The following DLC1 variants were observed in gnomAD, a reference collection of about 807,000 sequenced individuals.
DLC1 encodes rho GTPase-activating protein 7.
A neutral mutation model predicts 140.3 loss-of-function variants in DLC1; 54 were observed. The ratio of observed to expected loss-of-function variants is 0.38; its 90% CI spans 0.31 to 0.48. The LOEUF (loss-of-function observed/expected upper bound fraction) is 0.48. Among genes scored for constraint, DLC1 ranks in the 20% least tolerant of loss-of-function variants. The probability of loss-of-function intolerance (pLI) is 0.96; values close to 1 mark genes in which losing one functional copy is unlikely to be tolerated. For synonymous variants in DLC1, 986 were observed against 728.1 expected (o/e 1.35, Z -5.70); for missense variants, 2,536 against 1,907.0 (o/e 1.33, Z -6.14).
At chr8:13,350,289 C>T (rs1043459673) in intron 4 of DLC1, among the ~76,000 whole-genome samples, 10 of 151,708 alleles carry the variant, frequency 6.6e-5, no homozygotes, top group Non-Finnish European at 1.5e-5. Flanking sequence ...TTCCATAACA[C>T]CTCAGGTTTA....
intron 5 of DLC1, among the ~76,000 whole-genome samples, chr8:13,137,461 A>G (rs1822655789): frequency 1.4e-4 from 1 of 7,380 alleles, no homozygotes; most frequent in Non-Finnish European, 2.3e-4. Context: ...AAAACCTATC[A>G]TTTTGTTATA....
chr8:13,307,138 T>C (rs895566913), intron 4 of DLC1, among the ~76,000 whole-genome samples: 2 of 148,732 alleles, frequency 1.3e-5, no homozygotes, highest in Non-Finnish European at 3.0e-5. Context: ...TTTGGCAAGA[T>C]TAATTTGTAC....
At chr8:13,241,935 G>A (rs1236109723) in intron 5 of DLC1, among the ~76,000 whole-genome samples, 1 of 152,024 alleles carries the variant, frequency 6.6e-6, no homozygotes, top group Non-Finnish European at 1.5e-5. Context: ...TTTGGCTCAC[G>A]TTCAGAGCTT....
chr8:13,476,690 T>A (rs1311166309), intron 2 of DLC1, among the ~76,000 whole-genome samples: 4 of 152,194 alleles, frequency 2.6e-5, no homozygotes, highest in African/African-American at 7.2e-5. Context: ...CTTAGTTTCT[T>A]GAGGAGAATG....
intron 5 of DLC1, among the ~76,000 whole-genome samples, chr8:13,265,387 T>C (rs190622130): frequency 2.3e-4 from 35 of 152,214 alleles, no homozygotes; most frequent in East Asian, 9.7e-4. Flanking sequence ...AGTGGGAGTA[T>C]GTGTGGGTAG....
At chr8:13,319,477 G>T (rs1156258106) in intron 4 of DLC1, among the ~76,000 whole-genome samples, 3 of 119,620 alleles carry the variant, frequency 2.5e-5, no homozygotes, top group African/African-American at 9.6e-5. Context: ...GGCGGGGCGG[G>T]GGGGGGGGGT....
intron 2 of DLC1, among the ~76,000 whole-genome samples, chr8:13,495,447 T>C (rs995901731): frequency 1.3e-5 from 2 of 152,208 alleles, no homozygotes; most frequent in Admixed American, 6.5e-5. Flanking sequence ...GTGCTGGTCA[T>C]ATGTCACCCA....
chr8:13,128,969 C>G (rs1366486778), intron 5 of DLC1, among the ~76,000 whole-genome samples: 1 of 68,894 alleles, frequency 1.5e-5, no homozygotes, highest in Non-Finnish European at 3.2e-5. Flanking sequence ...CAGAGTAGAC[C>G]TAATTAGAGG....
chr8:13,479,996 G>C (rs1375007478), intron 2 of DLC1, among the ~76,000 whole-genome samples: 1 of 151,440 alleles, frequency 6.6e-6, no homozygotes, highest in Non-Finnish European at 1.5e-5. Context: ...GGCCCAGGAG[G>C]TGGGGGCTGC....
chr8:13,099,208 C>T lies in DLC1; in HGVS notation c.2990+139G>A, dbSNP rs1304460596. On this transcript the variant is annotated intron_variant, in intron 9 of 17. Transcript: ENST00000276297. ...TCGATTTCTTTGAATTTTGGTGCTTCCTGGTTTGACACCTTCCTTAGGAAT... is the reference window on the plus strand; with the variant it reads ...TCGATTTCTTTGAATTTTGGTGCTTTCTGGTTTGACACCTTCCTTAGGAAT... 4.8e-6 allele frequency: 7 copies of T among 1,448,758 alleles called. No individual in the cohort carries two copies. In the African/African-American group the frequency reaches 7.1e-5, roughly 15 times the overall value. 89.7% of individuals were successfully genotyped at this position (1,448,758 alleles called of 1,614,324 possible). A position where few individuals can be genotyped will look rare whatever the true frequency, so the allele number is the denominator to read the frequency against.
chr8:13,120,453 A>G (rs1820964992), intron 5 of DLC1, among the ~76,000 whole-genome samples: 1 of 150,750 alleles, frequency 6.6e-6, no homozygotes, highest in Non-Finnish European at 1.5e-5. Context: ...AACCGCATAT[A>G]TATTATATTA....
At chr8:13,296,869 T>C (rs533306396) in intron 5 of DLC1, among the ~76,000 whole-genome samples, 48 of 151,950 alleles carry the variant, frequency 3.2e-4, no homozygotes, top group African/African-American at 1.1e-3. Context: ...GAGGAAACAT[T>C]TGAATCAGAA....
At chr8:13,131,823 C>T (rs1822118267) in intron 5 of DLC1, among the ~76,000 whole-genome samples, 1 of 152,190 alleles carries the variant, frequency 6.6e-6, no homozygotes, top group African/African-American at 2.4e-5. Flanking sequence ...AGGCTGCTGA[C>T]CAGGATGAGA....
chr8:13,408,694 C>T (rs1837666989), intron 2 of DLC1, among the ~76,000 whole-genome samples: 1 of 152,116 alleles, frequency 6.6e-6, no homozygotes, highest in Admixed American at 6.6e-5. Flanking sequence ...GCACTCAGGT[C>T]ACTAAATACA....
intron 5 of DLC1, among the ~76,000 whole-genome samples, chr8:13,206,015 A>T (rs1827647400): frequency 6.6e-6 from 1 of 152,184 alleles, no homozygotes; most frequent in Non-Finnish European, 1.5e-5. Context: ...TTTCAAAGTG[A>T]ACCTTGACCT....
intron 5 of DLC1, among the ~76,000 whole-genome samples, chr8:13,206,870 CA>C (rs1228333277): frequency 2.0e-5 from 3 of 151,780 alleles, no homozygotes; most frequent in African/African-American, 2.4e-5. Flanking sequence ...TTTTTTTTTA[CA>C]AAAATCAAAT....
intron 2 of DLC1, among the ~76,000 whole-genome samples, chr8:13,486,542 T>G (rs1284463326): frequency 6.6e-6 from 1 of 152,214 alleles, no homozygotes; most frequent in East Asian, 1.9e-4. Context: ...AACTTCACAC[T>G]GGTACCACGA....
chr8:13,346,227 A>G (rs543324987), intron 4 of DLC1, among the ~76,000 whole-genome samples: 1 of 152,346 alleles, frequency 6.6e-6, no homozygotes, highest in South Asian at 2.1e-4. Context: ...AAGTTTGAGT[A>G]TACACAATTT....
At chr8:13,525,808 A>T (rs546433716) in intron 1 of DLC1, among the ~76,000 whole-genome samples, 2 of 152,246 alleles carry the variant, frequency 1.3e-5, no homozygotes, top group East Asian at 3.9e-4. Context: ...AAGAGTAGAA[A>T]TTTTTAATTT....
Sources: allele counts gnomAD v4.1 joint callset (sites outside exome capture counted in the v4.1 genomes callset), GRCh38; gene constraint gnomAD v4.1.1; transcripts MANE v1.5; gene names NCBI Gene and HGNC (gene_info 2026-07-23, HGNC 2026-07-21).